The following SNTG2 variants were observed in gnomAD, a reference collection of about 807,000 sequenced individuals.
SNTG2 encodes the protein gamma-2-syntrophin.
A neutral mutation model predicts 70.9 loss-of-function variants in SNTG2; 74 were observed. The ratio of observed to expected loss-of-function variants is 1.04; its 90% CI spans 0.86 to 1.27. The LOEUF is 1.27. Ranked by LOEUF, SNTG2 falls within the 50% of genes most tolerant of loss-of-function variation. SNTG2 has a pLI of 0.00. For missense variants in SNTG2, 717 were observed against 690.7 expected, an observed-to-expected ratio of 1.04 and a Z score of -0.43; for synonymous variants, 278 against 273.8, an observed-to-expected ratio of 1.02 and a Z score of -0.15.
chr2:1,194,934 G>A (rs1672815037), intron 8 of SNTG2, among the ~76,000 whole-genome samples: 1 of 152,156 alleles, frequency 6.6e-6, no homozygotes, highest in South Asian at 2.1e-4. Flanking sequence ...GTGTCCATGT[G>A]TTCTCATTGT....
chr2:1,170,892 G>C (rs1032985127), intron 7 of SNTG2, among the ~76,000 whole-genome samples: 10 of 151,982 alleles, frequency 6.6e-5, no homozygotes, highest in Admixed American at 3.9e-4. Flanking sequence ...GGGTCCTCTG[G>C]TGACTCTAGG....
intron 1 of SNTG2, among the ~76,000 whole-genome samples, chr2:1,015,067 C>T (rs971071606): frequency 2.0e-5 from 3 of 152,050 alleles, no homozygotes; most frequent in African/African-American, 2.4e-5. Context: ...GTGGACAGCG[C>T]GGGGCTGAGA....
intron 1 of SNTG2, among the ~76,000 whole-genome samples, chr2:1,072,101 A>G (rs1483180687): frequency 6.6e-6 from 1 of 152,188 alleles, no homozygotes; most frequent in Non-Finnish European, 1.5e-5. Flanking sequence ...TATTCTGAAG[A>G]TCCAGCTAAG....
chr2:1,352,366 C>T (rs1173305477), intron 16 of SNTG2, among the ~76,000 whole-genome samples: 1 of 152,156 alleles, frequency 6.6e-6, no homozygotes, highest in East Asian at 1.9e-4. Flanking sequence ...GATGCAGGCC[C>T]CTCTGCCCCC....
At chr2:1,123,389 C>T (rs1667503586) in intron 4 of SNTG2, among the ~76,000 whole-genome samples, 2 of 152,214 alleles carry the variant, frequency 1.3e-5, no homozygotes, top group African/African-American at 2.4e-5. Flanking sequence ...ATAGAAAGCC[C>T]AGAAGTAAAA....
chr2:1,161,001 G>A (rs1358391139), intron 6 of SNTG2: 1 of 152,248 alleles, frequency 6.6e-6, no homozygotes, highest in Non-Finnish European at 1.5e-5. Flanking sequence ...CCTTTCTAAG[G>A]AAGAAATGGA....
At chr2:1,080,159 G>A (rs184293202) in intron 1 of SNTG2, among the ~76,000 whole-genome samples, 12 of 148,764 alleles carry the variant, frequency 8.1e-5, no homozygotes, top group African/African-American at 2.9e-4. Flanking sequence ...GTGAAAGTCT[G>A]CAGCAAGAAT....
intron 1 of SNTG2, among the ~76,000 whole-genome samples, chr2:971,181 T>C (rs1426272227): frequency 1.3e-5 from 2 of 152,232 alleles, no homozygotes; most frequent in Admixed American, 1.3e-4. Flanking sequence ...ATCCTTCTTC[T>C]GCAATGTTTT....
chr2:1,012,437 A>G (rs898691954), intron 1 of SNTG2, among the ~76,000 whole-genome samples: 1 of 152,104 alleles, frequency 6.6e-6, no homozygotes. Context: ...GGGTAATGAA[A>G]CCTGCAGGCT....
At chr2:1,316,200 A>G in intron 15 of SNTG2, 65 bp from the exon 16 acceptor site, 1 of 752,470 alleles carries the variant, frequency 1.3e-6, no homozygotes, top group South Asian at 1.8e-5. Flanking sequence ...TAATGTAGTA[A>G]CAGATGCTAA....
chr2:1,178,322 A>G (rs1671621285), intron 8 of SNTG2, among the ~76,000 whole-genome samples: 1 of 152,190 alleles, frequency 6.6e-6, no homozygotes, highest in South Asian at 2.1e-4. Context: ...TGCCCTGGCC[A>G]GAACTTCCAA....
intron 1 of SNTG2, among the ~76,000 whole-genome samples, chr2:1,067,342 C>T (rs1663226668): frequency 6.6e-6 from 1 of 152,168 alleles, no homozygotes; most frequent in Admixed American, 6.5e-5. Flanking sequence ...TAGTACTTCA[C>T]ATATTCTATT....
At chr2:1,176,198 T>G (rs150641279) in intron 8 of SNTG2, among the ~76,000 whole-genome samples, 1 of 152,338 alleles carries the variant, frequency 6.6e-6, no homozygotes, top group East Asian at 1.9e-4. Context: ...CATCATCAGG[T>G]TATTTAAACT....
rs1421640397 is a variant in SNTG2 at position 1,197,545 on chromosome 2, G to GTA, written c.592-11557_592-11556insAT. On this transcript the variant is annotated intron_variant, in intron 8 of 16. Coordinates refer to ENST00000308624, the MANE Select transcript of SNTG2 (RefSeq NM_018968.4). ...TGTGTGTGTGTGTGTGTGTGTGTGT[G>GTA]TGTGTATATTTGATACAGGTTCTCA... Among the ~76,000 whole-genome samples, 1,055 of 142,288 alleles carry GTA rather than the reference G, an allele frequency of 7.4e-3. 10 individuals carry two copies. The highest frequency in any genetic ancestry group is 0.022 in the African/African-American group (797 of 36,884). The allele number at this position is 142,288 out of a possible 152,430, so 93.3% of individuals were successfully genotyped here.
chr2:1,230,262 A>T (rs992317994), intron 9 of SNTG2, among the ~76,000 whole-genome samples: 1 of 152,224 alleles, frequency 6.6e-6, no homozygotes. Flanking sequence ...TTGTGTTATG[A>T]TGACCTGCCT....
intron 8 of SNTG2, among the ~76,000 whole-genome samples, chr2:1,179,903 A>T (rs1671745084): frequency 7.0e-6 from 1 of 142,014 alleles, no homozygotes; most frequent in Non-Finnish European, 1.5e-5. Context: ...AGCCCTCAGA[A>T]ATAATGCCGT....
At chr2:1,318,989 G>A (rs1681410066) in intron 16 of SNTG2, among the ~76,000 whole-genome samples, 1 of 152,162 alleles carries the variant, frequency 6.6e-6, no homozygotes, top group Non-Finnish European at 1.5e-5. Flanking sequence ...AGTGTCTGTT[G>A]AGGTTAAATG....
At chr2:1,153,599 G>C (rs1320445653) in intron 6 of SNTG2, among the ~76,000 whole-genome samples, 1 of 152,206 alleles carries the variant, frequency 6.6e-6, no homozygotes, top group Non-Finnish European at 1.5e-5. Flanking sequence ...AAATGCACTT[G>C]TCTAAGTGCA....
intron 14 of SNTG2, among the ~76,000 whole-genome samples, chr2:1,299,797 CT>C (rs1167477844): frequency 1.3e-5 from 2 of 152,336 alleles, no homozygotes; most frequent in African/African-American, 2.4e-5. Flanking sequence ...AGCTGTGTGC[CT>C]GCCCAAACCC....
Sources: gnomAD v4.1 joint callset for allele counts (sites outside exome capture counted in the v4.1 genomes callset) on GRCh38, gnomAD v4.1.1 for gene constraint, MANE v1.5 for transcripts, NCBI Gene and HGNC (gene_info 2026-07-23, HGNC 2026-07-21) for gene names.